The following RBFOX1 variants were observed in gnomAD, a reference collection of about 807,000 sequenced individuals.
The protein encoded by RBFOX1 is RNA binding fox-1 homolog 1, also known as RNA binding protein fox-1 homolog 1.
Under a neutral mutation model 57.7 loss-of-function variants are expected in RBFOX1, and 8 were observed. The ratio of observed to expected loss-of-function variants is 0.14; its 90% confidence interval spans 0.08 to 0.25. The LOEUF is 0.25. Among genes scored for constraint, RBFOX1 ranks in the 10% least tolerant of loss-of-function variants. The pLI is 1.00. For missense variants in RBFOX1, 611 were observed against 548.5 expected, an observed-to-expected ratio of 1.11 and a Z score of -1.14; for synonymous variants, 326 against 222.4, an observed-to-expected ratio of 1.47 and a Z score of -4.15.
intron 2 of RBFOX1, among the ~76,000 whole-genome samples, chr16:6,427,952 G>C (rs577555296): frequency 1.3e-5 from 2 of 152,230 alleles, no homozygotes; most frequent in African/African-American, 2.4e-5. Flanking sequence ...ATTGCTGTGA[G>C]GGCTCAGGAG....
chr16:6,908,431 C>A (rs928034756), intron 3 of RBFOX1, among the ~76,000 whole-genome samples: 3 of 152,256 alleles, frequency 2.0e-5, no homozygotes, highest in South Asian at 4.2e-4. Flanking sequence ...TCCACTGATA[C>A]CTCTGGCCTC....
At chr16:5,328,553 A>G (rs1158111650) in intron 1 of RBFOX1, among the ~76,000 whole-genome samples, 2 of 152,246 alleles carry the variant, frequency 1.3e-5, no homozygotes, top group Non-Finnish European at 2.9e-5. Context: ...TCCCAGACAC[A>G]GAGGCAGAGC....
At chr16:5,364,549 A>G (rs2065651124) in intron 1 of RBFOX1, among the ~76,000 whole-genome samples, 1 of 152,120 alleles carries the variant, frequency 6.6e-6, no homozygotes, top group Non-Finnish European at 1.5e-5. Flanking sequence ...TGTAGAAAAG[A>G]TTTTTCTCTT....
At chr16:6,225,080 C>T (rs2097406349) in intron 1 of RBFOX1, among the ~76,000 whole-genome samples, 1 of 150,092 alleles carries the variant, frequency 6.7e-6, no homozygotes, top group South Asian at 2.1e-4. Flanking sequence ...TGTCCCCAGT[C>T]CTGTGTAGGC....
At chr16:7,597,324 G>A in intron 8 of RBFOX1, 47 bp from the exon 9 acceptor site, 1 of 1,408,088 alleles carries the variant, frequency 7.1e-7, no homozygotes, top group Non-Finnish European at 9.8e-7. Flanking sequence ...ATTGAATTGG[G>A]AGCTGGCCCT....
chr16:7,508,459 A>G (rs969245069), intron 4 of RBFOX1, among the ~76,000 whole-genome samples: 1 of 152,110 alleles, frequency 6.6e-6, no homozygotes, highest in Non-Finnish European at 1.5e-5. Flanking sequence ...GTCCTCGCAT[A>G]CTGAGCTGGA....
intron 3 of RBFOX1, among the ~76,000 whole-genome samples, chr16:6,842,299 A>C (rs1488456871): frequency 2.3e-5 from 3 of 131,760 alleles, no homozygotes; most frequent in African/African-American, 7.5e-5. Flanking sequence ...CAACTTTCTT[A>C]ATTATTTTTT....
At chr16:7,552,755 T>G (rs2086947460) in intron 5 of RBFOX1, among the ~76,000 whole-genome samples, 1 of 152,182 alleles carries the variant, frequency 6.6e-6, no homozygotes, top group African/African-American at 2.4e-5. Flanking sequence ...TGATCTCAGC[T>G]CACTGCAACC....
intron 2 of RBFOX1, among the ~76,000 whole-genome samples, chr16:6,394,747 C>A (rs1368611828): frequency 6.6e-6 from 1 of 151,914 alleles, no homozygotes; most frequent in Non-Finnish European, 1.5e-5. Flanking sequence ...TGATTAGGTT[C>A]TTAGCCAAAT....
At position 7,004,399 on chromosome 16, in the gene RBFOX1, T is replaced by A. The variant is rs994935733; in HGVS notation, c.-15-47658T>A. Among the ~76,000 whole-genome samples, 10 of 152,276 alleles carry A rather than the reference T, an allele frequency of 6.6e-5. 1 individual carries two copies. Among genetic ancestry groups the A allele is most frequent in the Admixed American group, 5.2e-4 (8 of 15,286 alleles). On this transcript the variant is annotated intron_variant, in intron 3 of 15. Coordinates refer to ENST00000550418, the MANE Select transcript of RBFOX1 (RefSeq NM_018723.4). ...AGATTCTTTGTCCACCGGTTTTATT[T>A]AGTCTCAGAGACCCAAGCTGGTCAG...
At chr16:6,533,536 C>A (rs1478805889) in intron 2 of RBFOX1, among the ~76,000 whole-genome samples, 1 of 152,136 alleles carries the variant, frequency 6.6e-6, no homozygotes, top group African/African-American at 2.4e-5. Flanking sequence ...TGTGCTTTTA[C>A]CTAGCCCCTT....
intron 2 of RBFOX1, among the ~76,000 whole-genome samples, chr16:6,629,065 A>G (rs190268488): frequency 3.9e-5 from 6 of 152,318 alleles, no homozygotes; most frequent in East Asian, 1.9e-4. Flanking sequence ...TACTAAACCT[A>G]TGATTCCATG....
intron 1 of RBFOX1, among the ~76,000 whole-genome samples, chr16:6,293,101 T>G (rs1238335362): frequency 2.0e-5 from 3 of 152,156 alleles, no homozygotes; most frequent in Non-Finnish European, 4.4e-5. Context: ...TAGTGATTAA[T>G]ATTCATATAT....
At chr16:6,533,067 C>T (rs917481067) in intron 2 of RBFOX1, among the ~76,000 whole-genome samples, 4 of 152,220 alleles carry the variant, frequency 2.6e-5, no homozygotes, top group Non-Finnish European at 5.9e-5. Flanking sequence ...TGTTGCAAAG[C>T]ACACTTGGCA....
chr16:5,321,807 C>G (rs775222253), intron 1 of RBFOX1, among the ~76,000 whole-genome samples: 1 of 152,116 alleles, frequency 6.6e-6, no homozygotes, highest in Non-Finnish European at 1.5e-5. Context: ...GTCTGTGACT[C>G]TCATGACGAC....
At chr16:6,002,134 GC>G (rs1438305121) in intron 4 of RBFOX1, among the ~76,000 whole-genome samples, 1 of 151,936 alleles carries the variant, frequency 6.6e-6, no homozygotes, top group Admixed American at 6.6e-5. Context: ...ACCATGCCCG[GC>G]TAATTAAAAG....
At chr16:5,683,658 C>G (rs1276770406) in intron 3 of RBFOX1, among the ~76,000 whole-genome samples, 2 of 151,904 alleles carry the variant, frequency 1.3e-5, no homozygotes, top group Non-Finnish European at 2.9e-5. Context: ...TGGACTGTCT[C>G]TCCTTGCTCC....
intron 3 of RBFOX1, among the ~76,000 whole-genome samples, chr16:5,626,582 G>A (rs553415942): frequency 6.6e-6 from 1 of 152,242 alleles, no homozygotes. Context: ...GAATACCCCT[G>A]TTCCTTCCTC....
rs116937637 is a variant in RBFOX1 at position 6,987,627 on chromosome 16, G to A, written c.-15-64430G>A. Among the ~76,000 whole-genome samples the A allele has an allele frequency of 9.2e-5, 14 of 152,242 alleles. No homozygotes were observed. The South Asian group carries it at 2.3e-3, about 25-fold the overall frequency. ...CATTCATAAATGGAATTTCCATTCC[G>A]TTGAAATATAGCTCATGACTGGGGC... On this transcript the variant is annotated intron_variant, in intron 3 of 15. Transcript: ENST00000550418.
Sources: gnomAD v4.1 joint callset for allele counts (sites outside exome capture counted in the v4.1 genomes callset) on GRCh38, gnomAD v4.1.1 for gene constraint, MANE v1.5 for transcripts, NCBI Gene and HGNC (gene_info 2026-07-23, HGNC 2026-07-21) for gene names.